The following OVCH1 variants were observed in gnomAD, a reference collection of about 807,000 sequenced individuals.
OVCH1 encodes the protein ovochymase-1.
In OVCH1, 139 loss-of-function variants were observed where a neutral mutation model predicts 138.4. The ratio of observed to expected loss-of-function variants is 1.00; its 90% confidence interval spans 0.87 to 1.16. The LOEUF is 1.16. Ranked by LOEUF, OVCH1 falls within the 50% of genes most tolerant of loss-of-function variation. The pLI, the probability that OVCH1 is intolerant of heterozygous loss-of-function variation, is 0.00. For synonymous variants in OVCH1, 453 were observed against 467.8 expected, an observed-to-expected ratio of 0.97 and a Z score of 0.41; for missense variants, 1,367 against 1,357.9, an observed-to-expected ratio of 1.01 and a Z score of -0.11.
intron 23 of OVCH1, among the ~76,000 whole-genome samples, chr12:29,444,711 GAAACTAGCTTTC>G (rs1199232732): frequency 1.4e-4 from 21 of 151,890 alleles, no homozygotes; most frequent in Admixed American, 1.4e-3. Context: ...GCCAAGGGGG[GAAACTAGCTTTC>G]AGTTGTCTAC....
In OVCH1 at chr12:29,491,890, G is replaced by A. The variant is rs190387476; in HGVS notation, c.455-698C>T. 1.1e-3 allele frequency among the ~76,000 whole-genome samples: 174 copies of A among 152,242 alleles called. 1 individual carries two copies. Among genetic ancestry groups the A allele is most frequent in the Non-Finnish European group, 2.6e-4 (18 of 67,982 alleles). ...CGAATGTTAGAAGACAGTAGAACAAGATGATCAAATTATCACGTGGCAAGC... is the reference window on the plus strand; with the variant it reads ...CGAATGTTAGAAGACAGTAGAACAAAATGATCAAATTATCACGTGGCAAGC... On this transcript the variant is annotated intron_variant, in intron 4 of 27. Coordinates refer to ENST00000318184, the Ensembl canonical transcript of OVCH1.
At chr12:29,494,691 AT>A (rs1943362904) in intron 4 of OVCH1, among the ~76,000 whole-genome samples, 1 of 152,164 alleles carries the variant, frequency 6.6e-6, no homozygotes, top group South Asian at 2.1e-4. Context: ...CTGAACATGG[AT>A]ATTAAGTGAA....
chr12:29,480,447 C>A (rs1388642517), intron 8 of OVCH1, among the ~76,000 whole-genome samples: 1 of 152,180 alleles, frequency 6.6e-6, no homozygotes, highest in Non-Finnish European at 1.5e-5. Flanking sequence ...TCCTCAAAAT[C>A]TCTAGCTGAA....
intron 22 of OVCH1, among the ~76,000 whole-genome samples, 182 bp downstream of exon 22, chr12:29,451,163 A>G (rs992209017): frequency 6.8e-6 from 1 of 147,766 alleles, no homozygotes; most frequent in African/African-American, 2.6e-5. Flanking sequence ...CTTAAAGTAT[A>G]ATCATAATAA....
chr12:29,458,295 T>C (rs1243571280), intron 19 of OVCH1, among the ~76,000 whole-genome samples: 2 of 150,358 alleles, frequency 1.3e-5, no homozygotes, highest in Admixed American at 1.3e-4. Flanking sequence ...AACAGACTCA[T>C]AGAACAATGG....
At chr12:29,467,799 C>G (rs540100170) in intron 16 of OVCH1, among the ~76,000 whole-genome samples, 196 of 152,246 alleles carry the variant, frequency 1.3e-3, no homozygotes, top group African/African-American at 4.4e-3. Flanking sequence ...TTCTCAGGCC[C>G]CACACCAGAC....
At chr12:29,423,590 TAACTA>T (rs1210875430), downstream of OVCH1, among the ~76,000 whole-genome samples, 1 of 152,172 alleles carries the variant, frequency 6.6e-6, no homozygotes, top group East Asian at 1.9e-4. Context: ...TGCGCGAAGA[TAACTA>T]GACAGAGACA....
intron 27 of OVCH1, among the ~76,000 whole-genome samples, chr12:29,428,870 C>T (rs1005327997): frequency 6.6e-6 from 1 of 152,180 alleles, no homozygotes; most frequent in Non-Finnish European, 1.5e-5. Context: ...AAAAGTTTCC[C>T]TCTATGAGTC....
intron 14 of OVCH1, among the ~76,000 whole-genome samples, chr12:29,474,250 G>T (rs945932198): frequency 3.9e-5 from 6 of 151,992 alleles, no homozygotes; most frequent in Non-Finnish European, 7.4e-5. Flanking sequence ...TACTTTTCTT[G>T]CATGTAAGTT....
rs576561082 is a variant in OVCH1 at position 29,436,883 on chromosome 12, C to T, written c.3264+2445G>A. Among the ~76,000 whole-genome samples the T allele has an allele frequency of 4.6e-5, 7 of 152,234 alleles. No individual in the cohort carries two copies. In the East Asian group the frequency reaches 5.8e-4, roughly 13 times the overall value. Reference sequence around the variant, plus strand: ...CAGCAGCAAGATTTATTGTGAAGAGCGAAAGAACAAAGCTTCCACAGCATG... The same window carrying T: ...CAGCAGCAAGATTTATTGTGAAGAGTGAAAGAACAAAGCTTCCACAGCATG... On this transcript the variant is annotated intron_variant, in intron 26 of 27. Transcript: ENST00000318184.
chr12:29,411,295 T>C (rs1940952061), downstream of OVCH1, among the ~76,000 whole-genome samples: 1 of 149,740 alleles, frequency 6.7e-6, no homozygotes, highest in Non-Finnish European at 1.5e-5. Flanking sequence ...AGCCTTCTAC[T>C]CTCAACTCGT....
chr12:29,455,218 A>G, intron 20 of OVCH1, 31 bp downstream of exon 20: 2 of 1,604,224 alleles, frequency 1.2e-6, no homozygotes, highest in Non-Finnish European at 1.7e-6. Context: ...GAAAGAGGTT[A>G]TTGTTTTAAT....
At chr12:29,425,963 G>A (rs985774690), downstream of OVCH1, 3 of 152,050 alleles carry the variant, frequency 2.0e-5, no homozygotes, top group Non-Finnish European at 4.4e-5. Flanking sequence ...GTTTGCCAAC[G>A]TTCCTTAAAT....
intron 26 of OVCH1, among the ~76,000 whole-genome samples, chr12:29,436,926 G>A (rs1049155003): frequency 3.9e-5 from 6 of 152,172 alleles, no homozygotes; most frequent in African/African-American, 1.4e-4. Flanking sequence ...ACCCAAGCGG[G>A]TTGCTGCTGC....
chr12:29,421,217 T>G (rs143663825), intron 3 of OVCH1, among the ~76,000 whole-genome samples: 4 of 152,368 alleles, frequency 2.6e-5, no homozygotes, highest in African/African-American at 9.6e-5. Context: ...TGTATTTCTG[T>G]CCGAATTTTC....
At chr12:29,477,590 A>G (rs746715151) in intron 9 of OVCH1, 112 bp from the exon 11 acceptor site, 4 of 1,613,146 alleles carry the variant, frequency 2.5e-6, no homozygotes, top group African/African-American at 2.7e-5. Flanking sequence ...TAAACACACT[A>G]AACTATTTAA....
At chr12:29,491,146 A>G (rs764424064) in exon 5 of OVCH1, 2 of 1,613,782 alleles carry the variant, frequency 1.2e-6, no homozygotes, top group Admixed American at 3.3e-5. Flanking sequence ...TTCCTGGTTC[A>G]ACTTTATCAT....
At position 29,461,856 on chromosome 12, in the gene OVCH1, G is replaced by A; in HGVS notation, c.2278C>T (p.Gln760Ter). The change falls in exon 19 of 28, where the codon CAG (glutamine) becomes TAG (stop). Residue 760 changes from glutamine to a stop codon, truncating the protein, a stop_gained and splice_region_variant. Transcript: ENST00000318184. LOFTEE classifies it high-confidence loss of function. ...GTATAAAACCAGAATCCTCTCACCTGGCAGAAATCTTTCTCTCCAGATGCT... is the reference window on the plus strand; with the variant it reads ...GTATAAAACCAGAATCCTCTCACCTAGCAGAAATCTTTCTCTCCAGATGCT... 2 of 1,613,662 alleles carry A rather than the reference G, an allele frequency of 1.2e-6. No individual in the cohort carries two copies. Among genetic ancestry groups the A allele is most frequent in the East Asian group, 2.2e-5 (1 of 44,868 alleles).
intron 27 of OVCH1, chr12:29,430,821 T>C: frequency 2.0e-6 from 1 of 490,746 alleles, no homozygotes; most frequent in Middle Eastern, 3.3e-4. Context: ...CCTTGAGTTC[T>C]GGCCAGGAGG....
Sources: gnomAD v4.1 joint callset for allele counts (sites outside exome capture counted in the v4.1 genomes callset) on GRCh38, gnomAD v4.1.1 for gene constraint, MANE v1.5 for transcripts, NCBI Gene and HGNC (gene_info 2026-07-23, HGNC 2026-07-21) for gene names.